Variants in EFS observed in about 807,000 individuals in gnomAD.
The protein encoded by EFS is embryonal Fyn-associated substrate.
EFS carries 34 observed loss-of-function variants against 42.2 expected under a neutral mutation model. That is an observed-to-expected ratio of 0.81 (90% CI 0.61 to 1.07). EFS has a LOEUF of 1.07. Ranked by LOEUF, EFS falls within the 50% of genes least tolerant of loss-of-function variation. The pLI is 0.00. For synonymous variants in EFS, 299 were observed against 320.7 expected (o/e 0.93, Z 0.72); for missense variants, 717 against 729.4 (o/e 0.98, Z 0.20).
At chr14:23,361,156 G>T (rs1233834929) in intron 1 of EFS, among the ~76,000 whole-genome samples, 2 of 151,980 alleles carry the variant, frequency 1.3e-5, no homozygotes, top group African/African-American at 4.8e-5. Flanking sequence ...CTTTTGTATC[G>T]ATTTCTTCCC....
At position 23,356,587 on chromosome 14, in the gene EFS, C is replaced by T. The variant is rs761666012; in HGVS notation, c.*639G>A. ...CCCCAAACCCTAAAGGCATCCTTTT[C>T]GTAGTGTGTGTCCCATAGGTATGGC... On this transcript the variant is annotated 3_prime_UTR_variant, in exon 6 of 6. Coordinates refer to ENST00000216733, the MANE Select transcript of EFS (RefSeq NM_005864.4). 9 of 152,174 alleles carry T rather than the reference C, an allele frequency of 5.9e-5. No homozygotes were observed. Among genetic ancestry groups the T allele is most frequent in the Non-Finnish European group, 1.2e-4 (8 of 68,042 alleles). The allele number at this position is 152,174 out of a possible 1,614,324, so 9.4% of individuals were successfully genotyped here. A position where few individuals can be genotyped will look rare whatever the true frequency, so the allele number is the denominator to read the frequency against.
chr14:23,358,961 A>G lies in EFS; in HGVS notation c.1166T>C (p.Met389Thr). The G allele has an allele frequency of 6.2e-7, 1 of 1,610,420 alleles. No individual in the cohort carries two copies. The highest frequency in any genetic ancestry group is 8.5e-7 in the Non-Finnish European group (1 of 1,178,320). The change falls in exon 5 of 6, where the codon ATG (methionine) becomes ACG (threonine). Residue 389 changes from methionine (M) to threonine (T), a missense_variant. Coordinates refer to ENST00000216733, the MANE Select transcript of EFS (RefSeq NM_005864.4). ...EEYDYVHLKG[M>T]DKAQGSRPPD... ...GGGCCTAGATCCCTGAGCTTTGTCC[A>G]TGCCCTGCAGGAGGGGATCAGGTCT...
At position 23,360,838 on chromosome 14, in the gene EFS, T is replaced by C. The variant is rs372118594; in HGVS notation, c.19-5A>G. The C allele has an allele frequency of 2.6e-5, 41 of 1,606,682 alleles. No individual in the cohort carries two copies. The highest frequency in any genetic ancestry group is 3.1e-5 in the Non-Finnish European group (37 of 1,175,940). ...CAGTGCCCGGGCCAGCTGGGTCTGG[T>C]TGGGGAGGTGGGAGTGGGGAGAAGG... is the stretch of plus-strand genomic sequence containing the variant. On this transcript the variant is annotated splice_polypyrimidine_tract_variant and splice_region_variant and intron_variant, in intron 1 of 5. Transcript: ENST00000216733.
Position 23,357,507 on chromosome 14 carries a change from G to A in EFS, c.1405C>T (p.Leu469Phe). The A allele has an allele frequency of 2.5e-6, 4 of 1,614,006 alleles. No individual in the cohort carries two copies. Among genetic ancestry groups the A allele is most frequent in the Non-Finnish European group, 3.4e-6 (4 of 1,179,988 alleles). The change falls in exon 6 of 6, where the codon CTT becomes TTT. Residue 469 changes from leucine to phenylalanine, a missense_variant. Leu to Phe is a conservative substitution (Grantham distance 22). Coordinates refer to ENST00000216733, the MANE Select transcript of EFS (RefSeq NM_005864.4). ...ACCCTCTTGCTGTGGGGCACGAAAA[G>A]GCGCGGGGGCTGATTAGCCTGGGTA... Reference protein sequence around the residue: ...SSTQANQPPRLFVPHSKRVVV... With the variant: ...SSTQANQPPRFFVPHSKRVVV...
chr14:23,357,610 C>A lies in EFS; in HGVS notation c.1302G>T (p.Gln434His). 1 of 1,574,076 alleles carries A rather than the reference C, an allele frequency of 6.4e-7. No individual in the cohort carries two copies. The change falls in exon 6 of 6, where the codon CAG (glutamine) becomes CAT (histidine). Residue 434 changes from glutamine (Q) to histidine (H), a missense_variant. Coordinates refer to ENST00000216733, the MANE Select transcript of EFS (RefSeq NM_005864.4). ...EPLVVSTGDL[Q>H]LLYFYAGQCQ... ...ATTGCCCAGCATAGAAGTACAGGAG[C>A]TGCAGATCTCCGGTGGACACAACCA...
rs73604524 is a variant in EFS, at chr14:23,358,512, T to C, written c.1251+364A>G. Among the ~76,000 whole-genome samples, 535 of 152,284 alleles carry C rather than the reference T, an allele frequency of 3.5e-3. 3 individuals carry two copies. The highest frequency in any genetic ancestry group is 0.012 in the African/African-American group (518 of 41,548). ...TTCAAAGCCCCTGGCTTCTCAGTAG[T>C]GAAGCTGGGATTAGAAGCCAGGTCT... On this transcript the variant is annotated intron_variant, in intron 5 of 5. Transcript: ENST00000216733.
At chr14:23,363,607 T>C (rs1269765263) in intron 1 of EFS, among the ~76,000 whole-genome samples, 3 of 152,110 alleles carry the variant, frequency 2.0e-5, no homozygotes, top group Non-Finnish European at 4.4e-5. Flanking sequence ...CACTCTGAGC[T>C]AGGGTTTCCT....
At chr14:23,362,838 T>TGG (rs1033009251) in intron 1 of EFS, among the ~76,000 whole-genome samples, 2 of 152,080 alleles carry the variant, frequency 1.3e-5, no homozygotes, top group Non-Finnish European at 1.5e-5. Context: ...CTCGAATGCC[T>TGG]GGGTTCAGCC....
In EFS at chr14:23,357,245, A is replaced by G. The variant is rs1889945866; in HGVS notation, c.1667T>C (p.Leu556Pro). The G allele has an allele frequency of 1.9e-6, 3 of 1,560,832 alleles. No homozygotes were observed. The highest frequency in any genetic ancestry group is 2.6e-6 in the Non-Finnish European group (3 of 1,145,822). Residue 556 changes from leucine (L) to proline (P), a missense_variant, in exon 6 of 6, where the codon CTC (leucine) becomes CCC (proline). Leu to Pro is a moderately conservative substitution (Grantham distance 98, BLOSUM62 -3). Coordinates refer to ENST00000216733, the MANE Select transcript of EFS (RefSeq NM_005864.4). ...AGQALQFTTLLTSLAP is the reference protein window; with the variant it reads ...AGQALQFTTLPTSLAP The stretch of plus-strand genomic sequence containing the variant: ...GGACCTTCATGGAGCCAGGCTAGTG[A>G]GCAGGGTAGTGAATTGCAGGGCCTG...
rs1890125061 is a variant in EFS, at chr14:23,360,765, C to T, written c.87G>A (p.Gly29=). 8 of 1,614,036 alleles carry T rather than the reference C, an allele frequency of 5.0e-6. No homozygotes were observed. The highest frequency in any genetic ancestry group is 6.8e-6 in the Non-Finnish European group (8 of 1,179,982). ...CTCTCTGCAGGACCCGTAGGACATC[C>T]CCTCGGCGGAAGGACAGCTCCTGGG... ...ESPQELSFRR[G]DVLRVLQREG... Residue 29 remains glycine (G), a synonymous_variant, in exon 2 of 6, where the codon GGG becomes GGA. Transcript: ENST00000216733.
Position 23,362,694 on chromosome 14 carries a change from A to G in EFS, c.19-1861T>C, listed in dbSNP as rs530262774. On this transcript the variant is annotated intron_variant, in intron 1 of 5. Transcript: ENST00000216733. ...GCCAGGGGATTAAAAGCACAGTTCT[A>G]GAGGCAGACCTGGGCTTGAGTCTTG... 3.9e-5 allele frequency among the ~76,000 whole-genome samples: 6 copies of G among 152,350 alleles called. No homozygotes were observed. In the East Asian group the frequency reaches 1.2e-3, roughly 29 times the overall value.
At chr14:23,357,961 G>A (rs1239677537) in intron 5 of EFS, among the ~76,000 whole-genome samples, 2 of 151,964 alleles carry the variant, frequency 1.3e-5, no homozygotes, top group Non-Finnish European at 1.5e-5. Context: ...TGAACCACAT[G>A]TGAAATTTTA....
In EFS at chr14:23,358,985, C is replaced by A. The variant is rs1437846107; in HGVS notation, c.1162-20G>T. On this transcript the variant is annotated intron_variant, in intron 4 of 5. Coordinates refer to ENST00000216733, the MANE Select transcript of EFS (RefSeq NM_005864.4). ...CATGCCCTGCAGGAGGGGATCAGGTCTCAGTGTCGGGGTGGGGGAGCAGGA... is the reference window on the plus strand; with the variant it reads ...CATGCCCTGCAGGAGGGGATCAGGTATCAGTGTCGGGGTGGGGGAGCAGGA... 1 of 1,593,696 alleles carries A rather than the reference C, an allele frequency of 6.3e-7. No individual in the cohort carries two copies. Among genetic ancestry groups the A allele is most frequent in the Non-Finnish European group, 8.5e-7 (1 of 1,170,454 alleles).
At chr14:23,357,693 T>C in intron 5 of EFS, 33 bp from the exon 6 acceptor site, 1 of 1,475,982 alleles carries the variant, frequency 6.8e-7, no homozygotes, top group East Asian at 2.3e-5. Context: ...AGAGAGAACA[T>C]TCTCATGAGT....
intron 1 of EFS, among the ~76,000 whole-genome samples, chr14:23,363,039 G>C (rs900716452): frequency 6.6e-6 from 1 of 151,324 alleles, no homozygotes; most frequent in East Asian, 1.9e-4. Context: ...TCAGCCTCCC[G>C]AGTAGCTGGG....
In EFS at chr14:23,359,751, C is replaced by A. The variant is rs764112476; in HGVS notation, c.727G>T (p.Gly243Trp). The change falls in exon 4 of 6, where the codon GGG becomes TGG. Residue 243 changes from glycine (G) to tryptophan (W), a missense_variant. Coordinates refer to ENST00000216733, the MANE Select transcript of EFS (RefSeq NM_005864.4). ...YEAPEELLADGEGGGTDEGIY... is the reference protein window; with the variant it reads ...YEAPEELLADWEGGGTDEGIY... ...CCCTCATCAGTGCCCCCGCCCTCCC[C>A]GTCTGCCAGCAGTTCCTCGGGTGCT... 1 of 1,515,414 alleles carries A rather than the reference C, an allele frequency of 6.6e-7. No individual in the cohort carries two copies. The highest frequency in any genetic ancestry group is 1.3e-5 in the South Asian group (1 of 74,966). 93.9% of individuals were successfully genotyped at this position (1,515,414 alleles called of 1,614,324 possible).
At chr14:23,361,068 C>A (rs1890138936) in intron 1 of EFS, among the ~76,000 whole-genome samples, 1 of 152,202 alleles carries the variant, frequency 6.6e-6, no homozygotes, top group South Asian at 2.1e-4. Flanking sequence ...ATTCTTTACT[C>A]TTCTCCCCGC....
intron 1 of EFS, among the ~76,000 whole-genome samples, chr14:23,364,700 C>T (rs1890262776): frequency 2.6e-5 from 4 of 152,094 alleles, no homozygotes; most frequent in Admixed American, 2.6e-4. Context: ...CCATCTGTTC[C>T]CGCCCAAAAG....
At position 23,360,742 on chromosome 14, in the gene EFS, C is replaced by G. The variant is rs752787769; in HGVS notation, c.110G>C (p.Arg37Thr). 6.2e-7 allele frequency: 1 copy of G among 1,614,066 alleles called. No homozygotes were observed. Among genetic ancestry groups the G allele is most frequent in the South Asian group, 1.1e-5 (1 of 91,072 alleles). ...RRGDVLRVLQ[R>T]EGAGGLDGWC... is the part of the protein sequence containing the mutation. ...GCCGTCCAGTCCACCAGCGCCCTCT[C>G]TCTGCAGGACCCGTAGGACATCCCC... Residue 37 changes from arginine to threonine, a missense_variant, in exon 2 of 6, where the codon AGA (arginine) becomes ACA (threonine). Physicochemically the swap from Arg to Thr is moderately conservative, Grantham distance 71 (BLOSUM62 -1). Transcript: ENST00000216733.
Sources: allele counts gnomAD v4.1 joint callset (sites outside exome capture counted in the v4.1 genomes callset), GRCh38; gene constraint gnomAD v4.1.1; transcripts MANE v1.5; gene names NCBI Gene and HGNC (gene_info 2026-07-23, HGNC 2026-07-21).